CACNB4: variants seen among roughly 807,000 people sequenced by gnomAD.
CACNB4 encodes the protein voltage-dependent L-type calcium channel subunit beta-4.
CACNB4 carries 32 observed loss-of-function variants against 71.2 expected under a neutral mutation model. The observed-to-expected ratio is 0.45, with a 90% CI of 0.34 to 0.60. The LOEUF is 0.60. Among genes scored for constraint, CACNB4 ranks in the 20% least tolerant of loss-of-function variants. CACNB4 has a pLI of 0.01. For synonymous variants in CACNB4, 231 were observed against 236.9 expected, an observed-to-expected ratio of 0.97 and a Z score of 0.23; for missense variants, 464 against 647.9, an observed-to-expected ratio of 0.72 and a Z score of 3.08.
At chr2:151,983,253 C>G (rs1304872615) in intron 2 of CACNB4, among the ~76,000 whole-genome samples, 1 of 152,180 alleles carries the variant, frequency 6.6e-6, no homozygotes, top group African/African-American at 2.4e-5. Flanking sequence ...TTAAGTAGAT[C>G]ATTACAAAGA....
intron 2 of CACNB4, chr2:151,971,392 C>T: frequency 1.6e-6 from 1 of 633,732 alleles, no homozygotes; most frequent in Non-Finnish European, 2.8e-6. Flanking sequence ...GATGGTTCCC[C>T]AACCCCCACC....
intron 2 of CACNB4, among the ~76,000 whole-genome samples, chr2:151,903,285 G>A (rs984977899): frequency 1.1e-4 from 17 of 152,112 alleles, no homozygotes; most frequent in South Asian, 6.2e-4. Flanking sequence ...GGGCTGAGGC[G>A]GGTGGATAAC....
At chr2:151,933,256 C>T (rs749691555) in intron 2 of CACNB4, among the ~76,000 whole-genome samples, 1 of 151,522 alleles carries the variant, frequency 6.6e-6, no homozygotes, top group Non-Finnish European at 1.5e-5. Flanking sequence ...CTCAGTGTCT[C>T]GATGTTGGCC....
At chr2:151,987,070 T>C (rs114484334) in intron 2 of CACNB4, among the ~76,000 whole-genome samples, 37 of 152,260 alleles carry the variant, frequency 2.4e-4, no homozygotes, top group African/African-American at 8.4e-4. Context: ...AACAAATCCA[T>C]TAGTGGGAAA....
chr2:151,865,400 C>G (rs188602115), intron 9 of CACNB4, among the ~76,000 whole-genome samples: 65 of 152,262 alleles, frequency 4.3e-4, no homozygotes, highest in African/African-American at 1.5e-3. Context: ...CGATGTTCAT[C>G]TAAGATTTTT....
chr2:151,897,461 G>A (rs1030369176), intron 2 of CACNB4, among the ~76,000 whole-genome samples: 8 of 152,098 alleles, frequency 5.3e-5, no homozygotes, highest in Non-Finnish European at 5.9e-5. Context: ...GATCCAAGGC[G>A]GTCAAAGAGA....
intron 2 of CACNB4, among the ~76,000 whole-genome samples, chr2:152,046,199 A>G (rs1016806981): frequency 3.9e-5 from 6 of 152,190 alleles, no homozygotes; most frequent in African/African-American, 1.2e-4. Context: ...TATCATATGG[A>G]TTGTCCATTC....
At chr2:151,947,832 G>C (rs1291288437) in intron 2 of CACNB4, among the ~76,000 whole-genome samples, 1 of 152,076 alleles carries the variant, frequency 6.6e-6, no homozygotes, top group Non-Finnish European at 1.5e-5. Flanking sequence ...CTATTTGTTG[G>C]CTAATAAGTC....
At chr2:151,975,859 T>G (rs1417495532) in intron 2 of CACNB4, among the ~76,000 whole-genome samples, 1 of 152,188 alleles carries the variant, frequency 6.6e-6, no homozygotes, top group African/African-American at 2.4e-5. Context: ...AGTATAGATA[T>G]TCCCCGATTG....
At chr2:152,030,182 A>G (rs940972855) in intron 2 of CACNB4, among the ~76,000 whole-genome samples, 2 of 152,130 alleles carry the variant, frequency 1.3e-5, no homozygotes, top group African/African-American at 4.8e-5. Context: ...TTTGAGGATT[A>G]TATTAACACA....
At chr2:152,008,901 C>T (rs1277424309) in intron 2 of CACNB4, among the ~76,000 whole-genome samples, 1 of 152,194 alleles carries the variant, frequency 6.6e-6, no homozygotes, top group Non-Finnish European at 1.5e-5. Flanking sequence ...CGGGGAAAGG[C>T]AACTTCCCTT....
At position 152,098,938 on chromosome 2, in the gene CACNB4, G is replaced by A. The variant is rs1428329780; in HGVS notation, c.63+11C>T. On this transcript the variant is annotated intron_variant, in intron 1 of 13. Transcript: ENST00000539935. This position sits in a 1 kb window ranked among gnomAD's most constrained non-coding sequence, Gnocchi z 5.3. ...AGGAGGAAGAGGAGAAGGGGGAGGAGGGGGCGGTACCTGCGAGGTGGGGGA... is the reference window on the plus strand; with the variant it reads ...AGGAGGAAGAGGAGAAGGGGGAGGAAGGGGCGGTACCTGCGAGGTGGGGGA... 6.8e-7 allele frequency: 1 copy of A among 1,468,058 alleles called. No homozygotes were observed. Among genetic ancestry groups the A allele is most frequent in the Non-Finnish European group, 9.1e-7 (1 of 1,096,854 alleles). The allele number at this position is 1,468,058 out of a possible 1,614,324, so 90.9% of individuals were successfully genotyped here. A position where few individuals can be genotyped will look rare whatever the true frequency, so the allele number is the denominator to read the frequency against.
At chr2:151,949,480 A>C (rs1254980953) in intron 2 of CACNB4, among the ~76,000 whole-genome samples, 1 of 20,614 alleles carries the variant, frequency 4.9e-5, no homozygotes, top group African/African-American at 1.2e-4. Context: ...GAGATGGAAC[A>C]GTTAGTTCGT....
chr2:151,959,228 T>A (rs2099869047), intron 2 of CACNB4, among the ~76,000 whole-genome samples: 1 of 152,220 alleles, frequency 6.6e-6, no homozygotes, highest in Non-Finnish European at 1.5e-5. Context: ...CTGCCGGAAG[T>A]CAATCTGGAA....
intron 2 of CACNB4, among the ~76,000 whole-genome samples, chr2:152,086,118 A>T (rs1330430688): frequency 6.6e-6 from 1 of 152,260 alleles, no homozygotes; most frequent in African/African-American, 2.4e-5. Flanking sequence ...ACAAACAGTC[A>T]TAACAGTAAT....
chr2:151,964,000 C>T (rs565106690), intron 2 of CACNB4, among the ~76,000 whole-genome samples: 25 of 137,832 alleles, frequency 1.8e-4, no homozygotes, highest in African/African-American at 5.7e-4. Flanking sequence ...GCCCGGGAGA[C>T]GGAGGTTGCA....
intron 2 of CACNB4, among the ~76,000 whole-genome samples, chr2:151,903,941 C>A (rs1359370600): frequency 1.3e-5 from 2 of 152,064 alleles, no homozygotes; most frequent in African/African-American, 4.8e-5. Context: ...CCATTGTGGG[C>A]TTGGCATATA....
chr2:152,072,787 C>T (rs2105377770), intron 2 of CACNB4, among the ~76,000 whole-genome samples: 1 of 151,812 alleles, frequency 6.6e-6, no homozygotes, highest in South Asian at 2.1e-4. Context: ...ACTACAGGCG[C>T]CCACCACCAG....
chr2:151,869,250 GA>G lies in CACNB4; in HGVS notation c.700-16del. The G allele has an allele frequency of 1.1e-5, 16 of 1,516,742 alleles. No individual in the cohort carries two copies. Among genetic ancestry groups the G allele is most frequent in the Non-Finnish European group, 1.3e-5 (15 of 1,112,586 alleles). The allele number at this position is 1,516,742 out of a possible 1,614,324, so 94.0% of individuals were successfully genotyped here. A position where few individuals can be genotyped will look rare whatever the true frequency, so the allele number is the denominator to read the frequency against. ...ATGTCTGTTACCTTTGCAGAGGTGA[GA>G]AAAAAAGAATGAGGCAAACACATGC... On this transcript the variant is annotated splice_polypyrimidine_tract_variant and intron_variant, in intron 8 of 13. Coordinates refer to ENST00000539935, the MANE Select transcript of CACNB4 (RefSeq NM_000726.5).
Sources: allele counts gnomAD v4.1 joint callset (sites outside exome capture counted in the v4.1 genomes callset), GRCh38; gene constraint gnomAD v4.1.1; non-coding constraint Gnocchi (gnomAD v3.1); transcripts MANE v1.5; gene names NCBI Gene and HGNC (gene_info 2026-07-23, HGNC 2026-07-21).